Variants in SCHIP1 observed in about 807,000 individuals in gnomAD.
SCHIP1 encodes schwannomin interacting protein 1.
A neutral mutation model predicts 29.7 loss-of-function variants in SCHIP1; 8 were observed. The ratio of observed to expected loss-of-function variants is 0.27; its 90% CI spans 0.16 to 0.49. SCHIP1 has a LOEUF of 0.49. Ranked by LOEUF, SCHIP1 falls within the 20% of genes least tolerant of loss-of-function variation. The pLI, the probability that SCHIP1 is intolerant of heterozygous loss-of-function variation, is 0.99. For synonymous variants in SCHIP1, 76 were observed against 94.9 expected, an observed-to-expected ratio of 0.80 and a Z score of 1.16; for missense variants, 193 against 294.6, an observed-to-expected ratio of 0.66 and a Z score of 2.52.
chr3:159,548,351 G>A, the SCHIP1 span, among the ~76,000 whole-genome samples: 1 of 151,686 alleles, frequency 6.6e-6, no homozygotes, highest in Non-Finnish European at 1.5e-5. Flanking sequence ...TTATTTTTAG[G>A]AATTTGCCTT....
chr3:159,595,587 G>C, the SCHIP1 span, among the ~76,000 whole-genome samples: 1 of 151,970 alleles, frequency 6.6e-6, no homozygotes, highest in Non-Finnish European at 1.5e-5. Flanking sequence ...TCAGACACAT[G>C]GTCAACAGTA....
At chr3:159,284,041 A>T in the SCHIP1 span, among the ~76,000 whole-genome samples, 3 of 152,300 alleles carry the variant, frequency 2.0e-5, no homozygotes, top group Non-Finnish European at 2.9e-5. Context: ...TCAAGTTTGA[A>T]TCAGGGCTGT....
intron 1 of SCHIP1, among the ~76,000 whole-genome samples, chr3:159,863,201 G>T (rs533761878): frequency 1.3e-5 from 2 of 152,138 alleles, no homozygotes; most frequent in African/African-American, 4.8e-5. Context: ...TTAGCTGAGC[G>T]TAGTGGCGCG....
the SCHIP1 span, among the ~76,000 whole-genome samples, chr3:159,576,917 A>T: frequency 6.6e-6 from 1 of 152,208 alleles, no homozygotes; most frequent in Non-Finnish European, 1.5e-5. Flanking sequence ...CGGTGATCTC[A>T]AATAAACATT....
At chr3:159,571,894 A>G in the SCHIP1 span, among the ~76,000 whole-genome samples, 1 of 151,850 alleles carries the variant, frequency 6.6e-6, no homozygotes, top group Non-Finnish European at 1.5e-5. Context: ...TTTCTTCTAG[A>G]TTTTCTAGTT....
At chr3:159,524,699 A>G in the SCHIP1 span, among the ~76,000 whole-genome samples, 2 of 152,192 alleles carry the variant, frequency 1.3e-5, no homozygotes, top group Non-Finnish European at 2.9e-5. Flanking sequence ...ATAAGAGACT[A>G]CTGTGCCCAA....
the SCHIP1 span, among the ~76,000 whole-genome samples, chr3:159,810,466 G>C: frequency 6.6e-6 from 1 of 152,184 alleles, no homozygotes; most frequent in Non-Finnish European, 1.5e-5. Flanking sequence ...CTCATTGGCA[G>C]TCTATCCTCA....
the SCHIP1 span, among the ~76,000 whole-genome samples, chr3:159,653,864 A>G: frequency 6.6e-6 from 1 of 152,140 alleles, no homozygotes; most frequent in Non-Finnish European, 1.5e-5. Context: ...TAGCATAAAT[A>G]CAAATATTTA....
the SCHIP1 span, among the ~76,000 whole-genome samples, chr3:159,799,370 C>T: frequency 6.6e-6 from 1 of 152,226 alleles, no homozygotes; most frequent in East Asian, 1.9e-4. Flanking sequence ...CGCTGAGCAT[C>T]AACTTCTCTC....
At chr3:159,618,184 A>G in the SCHIP1 span, among the ~76,000 whole-genome samples, 1 of 152,220 alleles carries the variant, frequency 6.6e-6, no homozygotes, top group Admixed American at 6.5e-5. Flanking sequence ...TGACTTGACC[A>G]ACAGAGGTCT....
the SCHIP1 span, among the ~76,000 whole-genome samples, chr3:159,629,455 C>T: frequency 6.6e-6 from 1 of 152,170 alleles, no homozygotes; most frequent in Non-Finnish European, 1.5e-5. Context: ...ACACTTTATT[C>T]CTACCAAATC....
At chr3:159,780,690 C>T in the SCHIP1 span, among the ~76,000 whole-genome samples, 1 of 152,224 alleles carries the variant, frequency 6.6e-6, no homozygotes, top group African/African-American at 2.4e-5. Context: ...ACACCCTCAC[C>T]GTACTCCTTT....
At chr3:159,393,717 C>G in the SCHIP1 span, among the ~76,000 whole-genome samples, 1 of 150,782 alleles carries the variant, frequency 6.6e-6, no homozygotes, top group African/African-American at 2.4e-5. Flanking sequence ...GTTACTGTAG[C>G]CTTGTAGTAT....
At chr3:159,277,900 C>T in the SCHIP1 span, among the ~76,000 whole-genome samples, 8 of 149,722 alleles carry the variant, frequency 5.3e-5, no homozygotes, top group African/African-American at 1.5e-4. Flanking sequence ...GGACAACGAG[C>T]AAAACTCCGT....
the SCHIP1 span, among the ~76,000 whole-genome samples, chr3:159,642,998 C>A: frequency 6.6e-6 from 1 of 151,876 alleles, no homozygotes; most frequent in Non-Finnish European, 1.5e-5. Context: ...TGAGTAAGCA[C>A]TGAACATGAA....
the SCHIP1 span, among the ~76,000 whole-genome samples, chr3:159,584,318 C>T: frequency 6.6e-6 from 1 of 152,176 alleles, no homozygotes; most frequent in African/African-American, 2.4e-5. Flanking sequence ...GAGTCACATG[C>T]TATTTTAAAA....
chr3:159,380,312 G>T, the SCHIP1 span, among the ~76,000 whole-genome samples: 1 of 152,076 alleles, frequency 6.6e-6, no homozygotes, highest in Admixed American at 6.6e-5. Flanking sequence ...ACCACATCAG[G>T]AAACAGCTGT....
At chr3:159,640,473 GA>G in the SCHIP1 span, among the ~76,000 whole-genome samples, 1 of 152,106 alleles carries the variant, frequency 6.6e-6, no homozygotes, top group African/African-American at 2.4e-5. Flanking sequence ...TTTCTCAAGG[GA>G]AGCAGGGAAT....
At chr3:159,363,180 A>G in the SCHIP1 span, among the ~76,000 whole-genome samples, 1 of 152,240 alleles carries the variant, frequency 6.6e-6, no homozygotes, top group East Asian at 1.9e-4. Flanking sequence ...AACAGACACA[A>G]TAGAATTGTT....
Sources: gnomAD v4.1 joint callset for allele counts (sites outside exome capture counted in the v4.1 genomes callset) on GRCh38, gnomAD v4.1.1 for gene constraint, MANE v1.5 for transcripts, NCBI Gene and HGNC (gene_info 2026-07-23, HGNC 2026-07-21) for gene names.